Variants in KIF6 observed in about 807,000 individuals in gnomAD.
KIF6 encodes kinesin family member 6.
In KIF6, 106 loss-of-function variants were observed where a neutral mutation model predicts 112.7. That is an observed-to-expected ratio of 0.94 (90% confidence interval 0.80 to 1.11). KIF6 has a LOEUF of 1.11. Among genes scored for constraint, KIF6 ranks in the 50% least tolerant of loss-of-function variants. The pLI is 0.00. For missense variants in KIF6, 929 were observed against 964.0 expected, an observed-to-expected ratio of 0.96 and a Z score of 0.48; for synonymous variants, 339 against 339.9, an observed-to-expected ratio of 1.00 and a Z score of 0.03.
chr6:39,546,843 AAG>A (rs1371102668), intron 10 of KIF6, among the ~76,000 whole-genome samples: 2 of 151,912 alleles, frequency 1.3e-5, no homozygotes, highest in African/African-American at 4.8e-5. Flanking sequence ...AAAAAAAAAA[AAG>A]TCCTAGTTTA....
intron 3 of KIF6, among the ~76,000 whole-genome samples, chr6:39,673,037 T>C (rs1786929644): frequency 6.6e-6 from 1 of 152,168 alleles, no homozygotes; most frequent in Non-Finnish European, 1.5e-5. Flanking sequence ...AGCCAAACCA[T>C]GACCAGAACC....
intron 13 of KIF6, among the ~76,000 whole-genome samples, chr6:39,522,784 T>C (rs1295758368): frequency 6.6e-6 from 1 of 152,334 alleles, no homozygotes; most frequent in Admixed American, 6.5e-5. Context: ...ACAGTTCTCC[T>C]TTGCTGGATC....
At chr6:39,607,752 A>G (rs1473780972) in intron 6 of KIF6, among the ~76,000 whole-genome samples, 1 of 152,186 alleles carries the variant, frequency 6.6e-6, no homozygotes, top group East Asian at 1.9e-4. Context: ...CTGTAATAAG[A>G]TCAAGGCCAA....
rs1247237073 is a variant in KIF6, at chr6:39,597,968, C to A, written c.640-1708G>T. 3.3e-5 allele frequency among the ~76,000 whole-genome samples: 5 copies of A among 152,008 alleles called. No homozygotes were observed. In the East Asian group the frequency reaches 7.7e-4, roughly 23 times the overall value. On this transcript the variant is annotated intron_variant, in intron 6 of 22. Transcript: ENST00000287152. Reference sequence around the variant, plus strand: ...ATCACTTGAGGTCAGGAGTTTGAGACCAGCCTGACCAAAATGGTGAAACCC... The same window carrying A: ...ATCACTTGAGGTCAGGAGTTTGAGAACAGCCTGACCAAAATGGTGAAACCC...
intron 13 of KIF6, among the ~76,000 whole-genome samples, chr6:39,524,556 T>C (rs1777595704): frequency 6.6e-6 from 1 of 152,160 alleles, no homozygotes; most frequent in Admixed American, 6.5e-5. Context: ...GGGGATTTTC[T>C]CAGCTGGAAA....
intron 19 of KIF6, among the ~76,000 whole-genome samples, chr6:39,347,714 T>A (rs1763914948): frequency 6.6e-6 from 1 of 152,178 alleles, no homozygotes; most frequent in Admixed American, 6.5e-5. Context: ...GGAGTCTGCA[T>A]CTTCAGTCCA....
chr6:39,435,389 T>A (rs1771451159), intron 13 of KIF6, among the ~76,000 whole-genome samples: 1 of 152,212 alleles, frequency 6.6e-6, no homozygotes, highest in Non-Finnish European at 1.5e-5. Context: ...AAAATTTTTT[T>A]ATTTCAATAG....
Position 39,702,817 on chromosome 6 carries a change from T to C in KIF6, c.251+11875A>G, listed in dbSNP as rs543128206. Among the ~76,000 whole-genome samples the C allele has an allele frequency of 2.9e-4, 44 of 152,296 alleles. 1 individual carries two copies. In the South Asian group the frequency reaches 8.7e-3, roughly 30 times the overall value. ...AGAATGAATGTCAAATGAAGTTTCA[T>C]ATATCTAATTTAATTATTTTCCTCT... On this transcript the variant is annotated intron_variant, in intron 3 of 22. Transcript: ENST00000287152.
In KIF6 at chr6:39,343,632, T is replaced by C; in HGVS notation, c.2428+77A>G. On this transcript the variant is annotated intron_variant, in intron 22 of 22. Coordinates refer to ENST00000287152, the MANE Select transcript of KIF6 (RefSeq NM_145027.6). This position sits in a 1 kb window ranked among gnomAD's most constrained non-coding sequence, Gnocchi z 4.1. ...ATATGCAGGAAACTCCCTACTCCCC[T>C]CCCACCTCACTGTGTGCTCCCCACA... is the stretch of plus-strand genomic sequence containing the variant. 7.9e-7 allele frequency: 1 copy of C among 1,259,324 alleles called. No individual in the cohort carries two copies. Among genetic ancestry groups the C allele is most frequent in the Non-Finnish European group, 1.1e-6 (1 of 894,578 alleles). The allele number at this position is 1,259,324 out of a possible 1,614,324, so 78.0% of individuals were successfully genotyped here. A position where few individuals can be genotyped will look rare whatever the true frequency, so the allele number is the denominator to read the frequency against.
At chr6:39,470,282 A>G (rs961371221) in intron 13 of KIF6, among the ~76,000 whole-genome samples, 5 of 152,188 alleles carry the variant, frequency 3.3e-5, no homozygotes, top group Non-Finnish European at 5.9e-5. Flanking sequence ...CACATGGTGA[A>G]AAAACCAATG....
At chr6:39,355,882 G>A (rs1376904499) in intron 19 of KIF6, among the ~76,000 whole-genome samples, 1 of 151,966 alleles carries the variant, frequency 6.6e-6, no homozygotes, top group Non-Finnish European at 1.5e-5. Flanking sequence ...TCCCCTATCG[G>A]GCAGTTTTAC....
intron 3 of KIF6, among the ~76,000 whole-genome samples, chr6:39,692,611 A>G (rs1269035008): frequency 6.6e-6 from 1 of 152,220 alleles, no homozygotes; most frequent in Admixed American, 6.5e-5. Context: ...GTACTTCCTC[A>G]ATAAGCTAAA....
At chr6:39,575,560 A>G (rs113363530) in intron 10 of KIF6, among the ~76,000 whole-genome samples, 15,372 of 152,018 alleles carry the variant, frequency 0.1, 809 homozygotes, top group Middle Eastern at 0.14. Context: ...GTGAGCCACC[A>G]CGCCCGGCTG....
intron 7 of KIF6, among the ~76,000 whole-genome samples, chr6:39,588,453 A>T (rs1355335616): frequency 6.6e-6 from 1 of 152,012 alleles, no homozygotes; most frequent in Non-Finnish European, 1.5e-5. Context: ...GGCTCCAGTG[A>T]TCCACCCGCC....
intron 10 of KIF6, among the ~76,000 whole-genome samples, chr6:39,545,916 A>G (rs183007724): frequency 2.0e-5 from 3 of 152,354 alleles, no homozygotes; most frequent in Admixed American, 2.0e-4. Flanking sequence ...GAAGCTTTCA[A>G]TATAGAAATC....
At chr6:39,387,703 A>G (rs16892009) in intron 15 of KIF6, among the ~76,000 whole-genome samples, 27,077 of 152,106 alleles carry the variant, frequency 0.18, 4,091 homozygotes, top group African/African-American at 0.41. Flanking sequence ...TACTCAGTGC[A>G]ATTTGACCCT....
rs183360225 is a variant in KIF6, at chr6:39,668,260, C to A, written c.252-28503G>T. ...CTTTCAGAATTATGATCTAAATAAA[C>A]CTATTTATTTTAGGTTCTGAAGTTT... On this transcript the variant is annotated intron_variant, in intron 3 of 22. Coordinates refer to ENST00000287152, the MANE Select transcript of KIF6 (RefSeq NM_145027.6). 7.9e-4 allele frequency among the ~76,000 whole-genome samples: 120 copies of A among 152,180 alleles called. 1 individual carries two copies. Among genetic ancestry groups the A allele is most frequent in the African/African-American group, 2.6e-3 (107 of 41,516 alleles).
chr6:39,535,186 T>C (rs1460814109), intron 13 of KIF6, among the ~76,000 whole-genome samples: 2 of 152,176 alleles, frequency 1.3e-5, no homozygotes, highest in African/African-American at 4.8e-5. Context: ...GACATCATAA[T>C]GACAGGATCA....
chr6:39,525,897 T>G (rs1777696832), intron 13 of KIF6, among the ~76,000 whole-genome samples: 1 of 152,180 alleles, frequency 6.6e-6, no homozygotes, highest in Non-Finnish European at 1.5e-5. Context: ...GGGCATGTGA[T>G]TCCCCCTACA....
Sources: allele counts gnomAD v4.1 joint callset (sites outside exome capture counted in the v4.1 genomes callset), GRCh38; gene constraint gnomAD v4.1.1; non-coding constraint Gnocchi (gnomAD v3.1); transcripts MANE v1.5; gene names NCBI Gene and HGNC (gene_info 2026-07-23, HGNC 2026-07-21).